The following LRSAM1 variants were observed in gnomAD, a reference collection of about 807,000 sequenced individuals.
LRSAM1 encodes leucine rich repeat and sterile alpha motif containing 1.
In LRSAM1, 96 loss-of-function variants were observed where a neutral mutation model predicts 118.1. That is an observed-to-expected ratio of 0.81 (90% CI 0.69 to 0.96). The LOEUF is 0.96. LRSAM1 is among the 40% of genes least tolerant of loss of function. The pLI is 0.00. For missense variants in LRSAM1, 804 were observed against 915.5 expected (o/e 0.88, Z 1.57); for synonymous variants, 322 against 364.2 (o/e 0.88, Z 1.32).
chr9:127,494,445 A>T (rs1343879582), intron 21 of LRSAM1, among the ~76,000 whole-genome samples: 3 of 152,170 alleles, frequency 2.0e-5, no homozygotes. Context: ...CAGCTCCCTC[A>T]CCTGGGAGGT....
intron 13 of LRSAM1, 41 bp downstream of exon 13, chr9:127,479,546 C>G (rs752753388): frequency 6.2e-7 from 1 of 1,610,916 alleles, no homozygotes. Flanking sequence ...GGCTGCATCC[C>G]CCAGCCAGTG....
At chr9:127,483,841 T>G (rs1405367798) in intron 16 of LRSAM1, among the ~76,000 whole-genome samples, 3 of 152,152 alleles carry the variant, frequency 2.0e-5, no homozygotes, top group African/African-American at 7.2e-5. Flanking sequence ...TTTTGTATTT[T>G]TAGTAGAGAT....
chr9:127,464,506 A>G (rs1429722074), intron 9 of LRSAM1, among the ~76,000 whole-genome samples: 1 of 152,114 alleles, frequency 6.6e-6, no homozygotes, highest in African/African-American at 2.4e-5. Context: ...AGGAACTAAA[A>G]GTTTGATTTC....
intron 9 of LRSAM1, among the ~76,000 whole-genome samples, chr9:127,466,505 T>TATATATATATACA (rs61032058): frequency 5.3e-5 from 1 of 18,992 alleles, no homozygotes; most frequent in African/African-American, 2.2e-4. Context: ...TATATATATA[T>TATATATATATACA]TTTTTTTTTT....
chr9:127,466,504 ATTTTTTTTTT>A (rs869115663), intron 9 of LRSAM1, among the ~76,000 whole-genome samples: 2 of 24,520 alleles, frequency 8.2e-5, no homozygotes, highest in African/African-American at 1.5e-4. Flanking sequence ...ATATATATAT[ATTTTTTTTTT>A]TTTTTTTTTT....
chr9:127,453,580 G>A (rs1834402541), intron 2 of LRSAM1: 1 of 152,308 alleles, frequency 6.6e-6, no homozygotes, highest in Non-Finnish European at 1.5e-5. Context: ...GGCTAGAAGT[G>A]ATTCATTGGC....
At chr9:127,502,582 G>A (rs1466616767) in intron 25 of LRSAM1, among the ~76,000 whole-genome samples, 192 bp from the exon 26 acceptor site, 2 of 151,872 alleles carry the variant, frequency 1.3e-5, no homozygotes, top group Admixed American at 1.3e-4. Flanking sequence ...AGCTACTTGG[G>A]AGGCTGAGGC....
rs1835517690 is a variant in LRSAM1 at position 127,481,058 on chromosome 9, G to T, written c.1044-125G>T. 8.5e-6 allele frequency: 8 copies of T among 936,262 alleles called. No homozygotes were observed. In the South Asian group the frequency reaches 9.8e-5, roughly 12 times the overall value. 58.0% of individuals were successfully genotyped at this position (936,262 alleles called of 1,614,324 possible). On this transcript the variant is annotated intron_variant, in intron 14 of 25. Coordinates refer to ENST00000300417, the MANE Select transcript of LRSAM1 (RefSeq NM_001005373.4). ...TTCAGTAACTGGCTAAGAACCCAGA[G>T]CTTCAAGGTGGTGGAGCCAAGGTGC...
chr9:127,482,858 G>A (rs2132072790), intron 15 of LRSAM1, 92 bp from the exon 16 acceptor site: 2 of 1,260,464 alleles, frequency 1.6e-6, no homozygotes, highest in South Asian at 2.6e-5. Context: ...GCCAAATCAA[G>A]GAGGCCTTCC....
rs869115663 is a variant in LRSAM1, at chr9:127,466,504, A to ATT, written c.529-1211_529-1210dup. Among the ~76,000 whole-genome samples, 84 of 24,518 alleles carry ATT rather than the reference A, an allele frequency of 3.4e-3. 6 individuals carry two copies. The highest frequency in any genetic ancestry group is 0.024 in the East Asian group (25 of 1,022). The allele number at this position is 24,518 out of a possible 152,430, so 16.1% of individuals were successfully genotyped here. A position where few individuals can be genotyped will look rare whatever the true frequency, so the allele number is the denominator to read the frequency against. ...TATATATATATATATATATATATAT[A>ATT]TTTTTTTTTTTTTTTTTTTTTTTTT... On this transcript the variant is annotated intron_variant, in intron 9 of 25. Coordinates refer to ENST00000300417, the MANE Select transcript of LRSAM1 (RefSeq NM_001005373.4).
At chr9:127,461,929 G>A (rs1294010112) in intron 8 of LRSAM1, among the ~76,000 whole-genome samples, 1 of 152,178 alleles carries the variant, frequency 6.6e-6, no homozygotes, top group Non-Finnish European at 1.5e-5. Flanking sequence ...CAGCATGAGG[G>A]GCCCTGTGCG....
intron 11 of LRSAM1, among the ~76,000 whole-genome samples, chr9:127,475,092 T>G (rs1244195985): frequency 6.6e-6 from 1 of 151,896 alleles, no homozygotes; most frequent in Non-Finnish European, 1.5e-5. Flanking sequence ...CAGCAAGAAT[T>G]AGAGAGGGAG....
chr9:127,495,934 C>T (rs373581021), intron 22 of LRSAM1, 30 bp from the exon 23 acceptor site: 53 of 1,610,554 alleles, frequency 3.3e-5, no homozygotes, highest in Admixed American at 2.5e-4. Flanking sequence ...TTCTTCCTTC[C>T]TGCTCATGGT....
At chr9:127,487,992 C>G (rs1465932995) in intron 18 of LRSAM1, among the ~76,000 whole-genome samples, 1 of 152,192 alleles carries the variant, frequency 6.6e-6, no homozygotes, top group African/African-American at 2.4e-5. Flanking sequence ...TCCACCTGCT[C>G]TCTGGCAGGC....
At chr9:127,454,963 T>A in intron 3 of LRSAM1, 35 bp from the exon 4 acceptor site, 1 of 1,605,170 alleles carries the variant, frequency 6.2e-7, no homozygotes, top group Non-Finnish European at 8.5e-7. Flanking sequence ...AGGTGTTTTG[T>A]CTTAATACTT....
At chr9:127,493,751 C>T (rs1243033842) in intron 21 of LRSAM1, among the ~76,000 whole-genome samples, 3 of 152,146 alleles carry the variant, frequency 2.0e-5, no homozygotes, top group Admixed American at 6.6e-5. Context: ...ACATTTTCAG[C>T]GTGGCAGAGG....
At position 127,471,577 on chromosome 9, in the gene LRSAM1, G is replaced by A. The variant is rs554058562; in HGVS notation, c.620-2224G>A. 3.3e-4 allele frequency among the ~76,000 whole-genome samples: 50 copies of A among 150,864 alleles called. 1 individual carries two copies. The highest frequency in any genetic ancestry group is 1.2e-3 in the Admixed American group (18 of 15,066). Reference sequence around the variant, plus strand: ...CGAGGTGGGTGGATCACCTGAGGTCGGGAGTTCGAGACCAGCCTGACCAAC... The same window carrying A: ...CGAGGTGGGTGGATCACCTGAGGTCAGGAGTTCGAGACCAGCCTGACCAAC... On this transcript the variant is annotated intron_variant, in intron 10 of 25. Transcript: ENST00000300417.
intron 6 of LRSAM1, among the ~76,000 whole-genome samples, chr9:127,457,864 A>G (rs1232329713): frequency 1.3e-5 from 2 of 152,146 alleles, no homozygotes; most frequent in East Asian, 1.9e-4. Context: ...GGCCGGCAGC[A>G]CAGGTGTCAG....
chr9:127,492,105 A>G (rs1835955012), intron 20 of LRSAM1, among the ~76,000 whole-genome samples: 1 of 152,150 alleles, frequency 6.6e-6, no homozygotes, highest in South Asian at 2.1e-4. Context: ...TCTCAGGTGC[A>G]CCGCAGGTGT....
Sources: gnomAD v4.1 joint callset for allele counts (sites outside exome capture counted in the v4.1 genomes callset) on GRCh38, gnomAD v4.1.1 for gene constraint, MANE v1.5 for transcripts, NCBI Gene and HGNC (gene_info 2026-07-23, HGNC 2026-07-21) for gene names.